The following FREM2 variants were observed in gnomAD, a reference collection of about 807,000 sequenced individuals.
The protein encoded by FREM2 is FRAS1-related extracellular matrix protein 2.
In FREM2, 119 loss-of-function variants were observed where a neutral mutation model predicts 219.9. That is an observed-to-expected ratio of 0.54 (90% CI 0.47 to 0.63). The LOEUF (loss-of-function observed/expected upper bound fraction) is 0.63, where lower values mean the gene tolerates loss of function less well. FREM2 is among the 30% of genes least tolerant of loss of function. The probability of loss-of-function intolerance (pLI) is 0.00; values close to 1 mark genes in which losing one functional copy is unlikely to be tolerated. For missense variants in FREM2, 4,030 were observed against 3,993.6 expected (o/e 1.01, Z -0.25); for synonymous variants, 1,562 against 1,522.8 (o/e 1.03, Z -0.60).
In FREM2 at chr13:38,714,709, A is replaced by C. The variant is rs151054684; in HGVS notation, c.5263+16922A>C. Among the ~76,000 whole-genome samples, 7 of 152,342 alleles carry C rather than the reference A, an allele frequency of 4.6e-5. No individual in the cohort carries two copies. The East Asian group carries it at 9.6e-4, about 21-fold the overall frequency. On this transcript the variant is annotated intron_variant, in intron 2 of 23. Coordinates refer to ENST00000280481, the MANE Select transcript of FREM2 (RefSeq NM_207361.6). ...ACGTATACACATTTGGTCATTTCAC[A>C]ATGTATATATATGCACAATATCATG...
intron 16 of FREM2, among the ~76,000 whole-genome samples, chr13:38,865,301 A>T (rs955868169): frequency 7.2e-5 from 11 of 152,190 alleles, no homozygotes; most frequent in African/African-American, 2.7e-4. Context: ...CATCAGCAAC[A>T]AAGTTGTTAA....
Position 38,688,012 on chromosome 13 carries a change from G to A in FREM2, c.668G>A (p.Gly223Asp). 6.2e-7 allele frequency: 1 copy of A among 1,611,636 alleles called. No individual in the cohort carries two copies. The highest frequency in any genetic ancestry group is 8.5e-7 in the Non-Finnish European group (1 of 1,178,392). The change falls in exon 1 of 24, where the codon GGC (glycine) becomes GAC (aspartate). Residue 223 changes from glycine (G) to aspartate (D), a missense_variant. Coordinates refer to ENST00000280481, the MANE Select transcript of FREM2 (RefSeq NM_207361.6). Reference sequence around the variant, plus strand: ...GAGTGCCGCGTGGGCATCCTGTCCGGCTTGGGCGCGCTGCCTCGCTATGGA... The same window carrying A: ...GAGTGCCGCGTGGGCATCCTGTCCGACTTGGGCGCGCTGCCTCGCTATGGA... ...TEECRVGILS[G>D]LGALPRYGEL...
chr13:38,762,917 ATATT>A (rs763087542), intron 2 of FREM2, among the ~76,000 whole-genome samples: 2 of 152,142 alleles, frequency 1.3e-5, no homozygotes, highest in Non-Finnish European at 2.9e-5. Context: ...CAACAATTTC[ATATT>A]TATTGTTTGG....
At chr13:38,706,487 A>G (rs932264767) in intron 2 of FREM2, among the ~76,000 whole-genome samples, 7 of 152,180 alleles carry the variant, frequency 4.6e-5, no homozygotes, top group Non-Finnish European at 8.8e-5. Context: ...AGCTTGTTTT[A>G]AATTTAGGCA....
rs745963596 is a variant in FREM2 at position 38,689,142 on chromosome 13, C to T, written c.1798C>T (p.Leu600=). The T allele has an allele frequency of 1.4e-5, 22 of 1,613,792 alleles. No individual in the cohort carries two copies. The highest frequency in any genetic ancestry group is 3.3e-4 in the Middle Eastern group (2 of 6,060). ...AGATGATTCTCTGCTGCTTTTTGTG[C>T]TGGAGTCACCCTTCTTAACTACGGG... ...DSDDSLLLFV[L]ESPFLTTGHL... is the part of the protein sequence containing the mutation. The change falls in exon 1 of 24, where the codon CTG becomes TTG. Residue 600 remains leucine (L), a synonymous_variant. Coordinates refer to ENST00000280481, the MANE Select transcript of FREM2 (RefSeq NM_207361.6).
In FREM2 at chr13:38,864,773, C is replaced by G. The variant is rs982635976; in HGVS notation, c.7983+167C>G. 8 of 684,550 alleles carry G rather than the reference C, an allele frequency of 1.2e-5. No homozygotes were observed. The Admixed American group carries it at 1.7e-4, about 15-fold the overall frequency. The allele number at this position is 684,550 out of a possible 1,614,324, so 42.4% of individuals were successfully genotyped here. ...GCATGGATGGTGTGAAAATCCGTGT[C>G]TATTTCTTAACAATGGGCCAGAATA... On this transcript the variant is annotated intron_variant, in intron 16 of 23. Coordinates refer to ENST00000280481, the MANE Select transcript of FREM2 (RefSeq NM_207361.6).
At chr13:38,714,559 T>C (rs1264274530) in intron 2 of FREM2, among the ~76,000 whole-genome samples, 1 of 152,216 alleles carries the variant, frequency 6.6e-6, no homozygotes, top group African/African-American at 2.4e-5. Flanking sequence ...TGACATATTT[T>C]GTATTCTTAA....
intron 6 of FREM2, among the ~76,000 whole-genome samples, chr13:38,806,705 G>A (rs1476527881): frequency 6.6e-6 from 1 of 151,810 alleles, no homozygotes; most frequent in East Asian, 2.0e-4. Context: ...TCAGGGTTGC[G>A]GAAGGTTGGG....
In FREM2 at chr13:38,845,787, C is replaced by T. The variant is rs188949280; in HGVS notation, c.6020-786C>T. Reference sequence around the variant, plus strand: ...CTATCACAAGGTAAACCATTGGTCACAGTTTGAGTCAGGCAGAAACAATGA... The same window carrying T: ...CTATCACAAGGTAAACCATTGGTCATAGTTTGAGTCAGGCAGAAACAATGA... On this transcript the variant is annotated intron_variant, in intron 6 of 23. Transcript: ENST00000280481. Among the ~76,000 whole-genome samples, 4 of 152,200 alleles carry T rather than the reference C, an allele frequency of 2.6e-5. No individual in the cohort carries two copies. The East Asian group carries it at 7.7e-4, about 29-fold the overall frequency.
At chr13:38,787,373 C>T (rs1375021713) in intron 6 of FREM2, among the ~76,000 whole-genome samples, 1 of 152,082 alleles carries the variant, frequency 6.6e-6, no homozygotes, top group South Asian at 2.1e-4. Context: ...TAGACAGATC[C>T]TTTTCATCTC....
At chr13:38,697,607 A>G (rs571251364) in intron 1 of FREM2, 91 bp from the exon 2 acceptor site, 42 of 769,218 alleles carry the variant, frequency 5.5e-5, no homozygotes, top group Middle Eastern at 2.7e-4. Flanking sequence ...AAACATGTTT[A>G]TAGGAAAACT....
chr13:38,754,344 G>T (rs1255256248), intron 2 of FREM2, among the ~76,000 whole-genome samples: 2 of 152,184 alleles, frequency 1.3e-5, no homozygotes, highest in Non-Finnish European at 2.9e-5. Context: ...TCACTCGGAT[G>T]ACAGTTTTGC....
chr13:38,764,877 A>G (rs989470786), intron 3 of FREM2, among the ~76,000 whole-genome samples: 1 of 152,236 alleles, frequency 6.6e-6, no homozygotes, highest in African/African-American at 2.4e-5. Flanking sequence ...AAGCAAACGA[A>G]TGAAACCTTT....
chr13:38,751,492 G>A (rs899998061), intron 2 of FREM2, among the ~76,000 whole-genome samples: 2 of 151,980 alleles, frequency 1.3e-5, no homozygotes, highest in Non-Finnish European at 2.9e-5. Context: ...TCCCTGAATC[G>A]GTTTTCTTGC....
At position 38,689,955 on chromosome 13, in the gene FREM2, G is replaced by T. The variant is rs1269932774; in HGVS notation, c.2611G>T (p.Ala871Ser). Residue 871 changes from alanine (A) to serine (S), a missense_variant, in exon 1 of 24, where the codon GCA becomes TCA. Coordinates refer to ENST00000280481, the MANE Select transcript of FREM2 (RefSeq NM_207361.6). The stretch of plus-strand genomic sequence containing the variant: ...CCATATCTCTTTCACTCTCACTCAG[G>T]CACCCAAACATGGCCACATGAGAGT... ...VAHISFTLTQ[A>S]PKHGHMRVSG... is the part of the protein sequence containing the mutation. 6.2e-7 allele frequency: 1 copy of T among 1,613,966 alleles called. No homozygotes were observed. The highest frequency in any genetic ancestry group is 8.5e-7 in the Non-Finnish European group (1 of 1,180,030).
chr13:38,784,086 G>A (rs1415840736), intron 5 of FREM2, among the ~76,000 whole-genome samples: 2 of 152,142 alleles, frequency 1.3e-5, no homozygotes, highest in Non-Finnish European at 2.9e-5. Flanking sequence ...GCAACAGAGC[G>A]AAACTCAGTC....
chr13:38,791,187 TA>T (rs1566143596), intron 6 of FREM2, among the ~76,000 whole-genome samples: 2 of 152,190 alleles, frequency 1.3e-5, no homozygotes, highest in African/African-American at 4.8e-5. Context: ...ACAGCACATT[TA>T]AAAATATATG....
intron 2 of FREM2, among the ~76,000 whole-genome samples, chr13:38,761,514 A>G (rs1230142367): frequency 6.6e-6 from 1 of 152,230 alleles, no homozygotes; most frequent in East Asian, 1.9e-4. Context: ...TTTAAAAACA[A>G]TGAGAACAAG....
chr13:38,723,261 T>TAA (rs1329491859), intron 2 of FREM2, among the ~76,000 whole-genome samples: 2 of 150,630 alleles, frequency 1.3e-5, no homozygotes, highest in African/African-American at 4.9e-5. Context: ...AAATAAAAAA[T>TAA]AAAATAAAAC....
Sources: gnomAD v4.1 joint callset for allele counts (sites outside exome capture counted in the v4.1 genomes callset) on GRCh38, gnomAD v4.1.1 for gene constraint, MANE v1.5 for transcripts, NCBI Gene and HGNC (gene_info 2026-07-23, HGNC 2026-07-21) for gene names.